Variants in FRMD3 observed in about 807,000 individuals in gnomAD.
FRMD3 encodes FERM domain-containing protein 3.
FRMD3 carries 33 observed loss-of-function variants against 70.2 expected under a neutral mutation model. That is an observed-to-expected ratio of 0.47 (90% CI 0.36 to 0.63). The LOEUF (loss-of-function observed/expected upper bound fraction) is 0.63, where lower values mean the gene tolerates loss of function less well. FRMD3 is among the 20% of genes least tolerant of loss of function. FRMD3 has a pLI of 0.00. For synonymous variants in FRMD3, 279 were observed against 255.9 expected (o/e 1.09, Z -0.86); for missense variants, 632 against 711.4 (o/e 0.89, Z 1.27).
chr9:83,287,429 A>G (rs1166948559), intron 13 of FRMD3, among the ~76,000 whole-genome samples: 1 of 152,226 alleles, frequency 6.6e-6, no homozygotes, highest in African/African-American at 2.4e-5. Context: ...TCCATTCTCT[A>G]CACATCACCA....
chr9:83,312,290 A>G (rs1191650161), intron 7 of FRMD3, among the ~76,000 whole-genome samples: 3 of 152,218 alleles, frequency 2.0e-5, no homozygotes, highest in African/African-American at 7.2e-5. Context: ...CCTGTGTTCT[A>G]GGTCTGCTTT....
At chr9:83,369,130 G>C (rs1824886306) in intron 3 of FRMD3, among the ~76,000 whole-genome samples, 1 of 152,178 alleles carries the variant, frequency 6.6e-6, no homozygotes. Flanking sequence ...TGGGATTACA[G>C]GCATGAGCCA....
Position 83,510,035 on chromosome 9 carries a change from A to T in FRMD3, c.147+28050T>A, listed in dbSNP as rs561595755. ...TTTTCATACAGATAGTGTAATAATT[A>T]AAAAAGGCCACTGGAAAGCAGGAAG... is the stretch of plus-strand genomic sequence containing the variant. On this transcript the variant is annotated intron_variant, in intron 1 of 13. Coordinates refer to ENST00000304195, the MANE Select transcript of FRMD3 (RefSeq NM_174938.6). Among the ~76,000 whole-genome samples, 27 of 152,272 alleles carry T rather than the reference A, an allele frequency of 1.8e-4. No homozygotes were observed. In the East Asian group the frequency reaches 2.5e-3, roughly 14 times the overall value.
intron 3 of FRMD3, among the ~76,000 whole-genome samples, chr9:83,360,575 T>C (rs924924084): frequency 1.3e-5 from 2 of 152,064 alleles, no homozygotes; most frequent in East Asian, 1.9e-4. Context: ...AGAAAGCCCC[T>C]GAAAGTACTG....
intron 1 of FRMD3, among the ~76,000 whole-genome samples, chr9:83,503,048 G>A (rs1398944021): frequency 6.6e-6 from 1 of 152,098 alleles, no homozygotes; most frequent in Non-Finnish European, 1.5e-5. Context: ...TAATACTACT[G>A]ATATTGGCTG....
In FRMD3 at chr9:83,277,038, C is replaced by T. The variant is rs369921833; in HGVS notation, c.1195+13565G>A. Among the ~76,000 whole-genome samples the T allele has an allele frequency of 8.1e-4, 123 of 152,240 alleles. 1 individual carries two copies. The Middle Eastern group carries it at 0.024, about 29-fold the overall frequency. Reference sequence around the variant, plus strand: ...TTTTAAAAGTGTTATATCCAGTTTTCGCAGGGCTACAATGAGAGATATTCT... The same window carrying T: ...TTTTAAAAGTGTTATATCCAGTTTTTGCAGGGCTACAATGAGAGATATTCT... On this transcript the variant is annotated intron_variant, in intron 13 of 13. Coordinates refer to ENST00000304195, the MANE Select transcript of FRMD3 (RefSeq NM_174938.6).
chr9:83,415,620 T>TTTA (rs201852735), intron 1 of FRMD3, among the ~76,000 whole-genome samples: 4,419 of 148,534 alleles, frequency 0.03, 115 homozygotes, highest in East Asian at 0.11. Context: ...TTTTCTTTTT[T>TTTA]TTTTTTTTTT....
rs546112658 is a variant in FRMD3, at chr9:83,412,667, G to A, written c.148-22959C>T. 5.3e-5 allele frequency among the ~76,000 whole-genome samples: 8 copies of A among 152,336 alleles called. No homozygotes were observed. In the South Asian group the frequency reaches 1.4e-3, roughly 28 times the overall value. ...GTAGCCTTTGTGAGCAGCTGAAATT[G>A]TTGACTAAAGGATGCTTTAAAAATT... On this transcript the variant is annotated intron_variant, in intron 1 of 13. Coordinates refer to ENST00000304195, the MANE Select transcript of FRMD3 (RefSeq NM_174938.6).
intron 2 of FRMD3, among the ~76,000 whole-genome samples, chr9:83,380,112 G>T (rs1825310920): frequency 6.6e-6 from 1 of 152,174 alleles, no homozygotes; most frequent in African/African-American, 2.4e-5. Flanking sequence ...CTTCCATGGT[G>T]TTTAAAATCA....
chr9:83,366,243 T>C (rs145646910), intron 3 of FRMD3, among the ~76,000 whole-genome samples: 3 of 152,266 alleles, frequency 2.0e-5, no homozygotes, highest in Non-Finnish European at 2.9e-5. Flanking sequence ...ATGTATTGAC[T>C]GAGCGATTTT....
chr9:83,362,528 C>T (rs140189502), intron 3 of FRMD3, among the ~76,000 whole-genome samples: 1 of 152,278 alleles, frequency 6.6e-6, no homozygotes, highest in Non-Finnish European at 1.5e-5. Flanking sequence ...CATTTCCAAG[C>T]ACCCCTGCCC....
In FRMD3 at chr9:83,357,286, TATATATATATAA is replaced by T. The variant is rs1564032931; in HGVS notation, c.296-7541_296-7530del. 7.7e-4 allele frequency among the ~76,000 whole-genome samples: 63 copies of T among 82,172 alleles called. 1 individual carries two copies. The highest frequency in any genetic ancestry group is 1.3e-3 in the Non-Finnish European group (53 of 42,322). 53.9% of individuals were successfully genotyped at this position (82,172 alleles called of 152,430 possible). On this transcript the variant is annotated intron_variant, in intron 3 of 13. Coordinates refer to ENST00000304195, the MANE Select transcript of FRMD3 (RefSeq NM_174938.6). ...ATATATATATATATATATATATATATATATATATATAAAACATTTTCTTTATCCACTCATTGA... is the reference window on the plus strand; with the variant it reads ...ATATATATATATATATATATATATATAACATTTTCTTTATCCACTCATTGA...
At chr9:83,568,935 GATAGATAGATAGATAGATAGATAC>G in the FRMD3 span, among the ~76,000 whole-genome samples, 1 of 115,708 alleles carries the variant, frequency 8.6e-6, no homozygotes, top group Non-Finnish European at 1.9e-5. Flanking sequence ...TAGATAGATA[GATAGATAGATAGATAGATAGATAC>G]ATACATACAT....
At chr9:83,527,982 G>A (rs559245409) in intron 1 of FRMD3, among the ~76,000 whole-genome samples, 77 of 152,232 alleles carry the variant, frequency 5.1e-4, no homozygotes, top group Non-Finnish European at 9.3e-4. Flanking sequence ...ATTCTTATGC[G>A]ATAAATTCTG....
the FRMD3 span, among the ~76,000 whole-genome samples, chr9:83,577,941 G>GA: frequency 6.6e-6 from 1 of 150,880 alleles, no homozygotes; most frequent in African/African-American, 2.4e-5. Context: ...GGCTAACTAG[G>GA]AAAAAAAGAG....
At chr9:83,431,662 A>G (rs1032500590) in intron 1 of FRMD3, among the ~76,000 whole-genome samples, 16 of 152,170 alleles carry the variant, frequency 1.1e-4, no homozygotes, top group African/African-American at 3.9e-4. Context: ...AAAGGTGTCA[A>G]AAGTGTCACT....
At chr9:83,487,055 T>C (rs546342738) in intron 1 of FRMD3, among the ~76,000 whole-genome samples, 2 of 152,370 alleles carry the variant, frequency 1.3e-5, no homozygotes, top group South Asian at 2.1e-4. Flanking sequence ...ACTGCTTGTA[T>C]GGCAAATAGC....
At chr9:83,490,876 C>T (rs1027963532) in intron 1 of FRMD3, among the ~76,000 whole-genome samples, 1 of 146,538 alleles carries the variant, frequency 6.8e-6, no homozygotes, top group Non-Finnish European at 1.5e-5. Flanking sequence ...GCTAACATAA[C>T]AAGTGAAAAT....
chr9:83,446,836 G>A (rs1167568360), intron 1 of FRMD3, among the ~76,000 whole-genome samples: 1 of 152,098 alleles, frequency 6.6e-6, no homozygotes, highest in Non-Finnish European at 1.5e-5. Context: ...AGTATGGGGT[G>A]CTAAATTTAC....
Sources: allele counts gnomAD v4.1 joint callset (sites outside exome capture counted in the v4.1 genomes callset), GRCh38; gene constraint gnomAD v4.1.1; transcripts MANE v1.5; gene names NCBI Gene and HGNC (gene_info 2026-07-23, HGNC 2026-07-21).